Variants in SOX6 observed in about 807,000 individuals in gnomAD.
The protein encoded by SOX6 is transcription factor SOX-6.
Under a neutral mutation model 97.8 loss-of-function variants are expected in SOX6, and 11 were observed. The observed-to-expected ratio is 0.11, with a 90% CI of 0.07 to 0.19. The LOEUF (loss-of-function observed/expected upper bound fraction) is 0.19. Ranked by LOEUF, SOX6 falls within the 10% of genes least tolerant of loss-of-function variation. SOX6 has a pLI of 1.00. For missense variants in SOX6, 810 were observed against 1,039.5 expected (o/e 0.78, Z 3.04); for synonymous variants, 360 against 371.4 (o/e 0.97, Z 0.35).
rs1290379235 is a variant in SOX6 at position 16,606,282 on chromosome 11, G to A, written n.609+5799C>T. Among the ~76,000 whole-genome samples, 3 of 151,072 alleles carry A rather than the reference G, an allele frequency of 2.0e-5. No individual in the cohort carries two copies. In the East Asian group the frequency reaches 5.8e-4, roughly 29 times the overall value. On this transcript the variant is annotated intron_variant and non_coding_transcript_variant, in intron 4 of 5. Transcript: ENST00000524520. ...TTTTTTTAGTATCGCGAAATAAGAGGTGGTATCAGTTTTTTAAAAGTTTCA... is the reference window on the plus strand; with the variant it reads ...TTTTTTTAGTATCGCGAAATAAGAGATGGTATCAGTTTTTTAAAAGTTTCA...
At chr11:16,645,694 C>G (rs1304589755) in intron 3 of SOX6, among the ~76,000 whole-genome samples, 1 of 152,116 alleles carries the variant, frequency 6.6e-6, no homozygotes, top group Non-Finnish European at 1.5e-5. Context: ...AGCTGCAAGC[C>G]AAGAAACACC....
At chr11:16,546,286 G>T (rs1847619954) in intron 4 of SOX6, among the ~76,000 whole-genome samples, 1 of 152,074 alleles carries the variant, frequency 6.6e-6, no homozygotes, top group Non-Finnish European at 1.5e-5. Flanking sequence ...AAAGCAACCT[G>T]CAGATTCAAT....
intron 4 of SOX6, among the ~76,000 whole-genome samples, chr11:16,567,020 C>T (rs1847879701): frequency 6.6e-6 from 1 of 152,066 alleles, no homozygotes; most frequent in Non-Finnish European, 1.5e-5. Context: ...ATGGGACATC[C>T]CTAATCCAAA....
intron 3 of SOX6, among the ~76,000 whole-genome samples, chr11:16,266,066 T>C (rs767036798): frequency 6.6e-6 from 1 of 151,702 alleles, no homozygotes; most frequent in Non-Finnish European, 1.5e-5. Context: ...ATGAAAACTA[T>C]AAATCTTTAA....
At chr11:16,548,428 A>T (rs1018222012) in intron 4 of SOX6, among the ~76,000 whole-genome samples, 4 of 152,170 alleles carry the variant, frequency 2.6e-5, no homozygotes, top group African/African-American at 9.6e-5. Context: ...TTGGAGCTCC[A>T]TAGGCAAAAC....
At chr11:16,130,673 G>A (rs1849718065) in intron 6 of SOX6, among the ~76,000 whole-genome samples, 1 of 151,804 alleles carries the variant, frequency 6.6e-6, no homozygotes, top group African/African-American at 2.4e-5. Context: ...AAAAAAAATA[G>A]TCAAAACAAT....
At chr11:16,191,226 G>T (rs945802874) in intron 4 of SOX6, among the ~76,000 whole-genome samples, 1 of 152,134 alleles carries the variant, frequency 6.6e-6, no homozygotes, top group Non-Finnish European at 1.5e-5. Context: ...AGGCCGAGGT[G>T]GGGGGATCGC....
intron 4 of SOX6, among the ~76,000 whole-genome samples, chr11:16,213,755 GCAA>G (rs1484608891): frequency 3.3e-5 from 5 of 152,064 alleles, no homozygotes; most frequent in Admixed American, 3.3e-4. Flanking sequence ...TGTATTTCTT[GCAA>G]CAATATACAA....
At chr11:16,237,109 A>G (rs956260668) in intron 3 of SOX6, among the ~76,000 whole-genome samples, 5 of 152,098 alleles carry the variant, frequency 3.3e-5, no homozygotes, top group African/African-American at 9.6e-5. Context: ...AAGCTTATCA[A>G]TGTTTAATCT....
At position 15,970,786 on chromosome 11, in the gene SOX6, A is replaced by T. The variant is rs1169946029; in HGVS notation, c.*2023T>A. ...ATACAAAGGTACACTATTTTCTTCCAAGTGACAAAATGGCTCAAGAAATCT... is the reference window on the plus strand; with the variant it reads ...ATACAAAGGTACACTATTTTCTTCCTAGTGACAAAATGGCTCAAGAAATCT... On this transcript the variant is annotated 3_prime_UTR_variant, in exon 16 of 16. Coordinates refer to ENST00000683767, the MANE Select transcript of SOX6 (RefSeq NM_001367873.1). 1 of 152,660 alleles carries T rather than the reference A, an allele frequency of 6.6e-6. No individual in the cohort carries two copies. The highest frequency in any genetic ancestry group is 1.5e-5 in the Non-Finnish European group (1 of 68,040). The allele number at this position is 152,660 out of a possible 1,614,324, so 9.5% of individuals were successfully genotyped here.
intron 4 of SOX6, among the ~76,000 whole-genome samples, chr11:16,204,003 A>G (rs561307646): frequency 6.6e-6 from 1 of 152,182 alleles, no homozygotes; most frequent in South Asian, 2.1e-4. Context: ...TATATCAAAA[A>G]GTTTACGTGA....
At chr11:16,548,840 A>G (rs148365184) in intron 4 of SOX6, among the ~76,000 whole-genome samples, 2,082 of 152,228 alleles carry the variant, frequency 0.014, 24 homozygotes, top group Non-Finnish European at 0.02. Context: ...TTCTCACCAC[A>G]AATAAATGAA....
intron 4 of SOX6, among the ~76,000 whole-genome samples, chr11:16,500,846 G>A (rs184613650): frequency 8.1e-4 from 123 of 152,208 alleles, no homozygotes; most frequent in African/African-American, 2.8e-3. Flanking sequence ...CATGCTCATG[G>A]GTAGGAAGAA....
intron 1 of SOX6, among the ~76,000 whole-genome samples, chr11:16,378,391 A>G (rs1857705856): frequency 1.3e-5 from 2 of 152,184 alleles, no homozygotes; most frequent in African/African-American, 4.8e-5. Context: ...CAAATACTCA[A>G]GAATAACCAA....
chr11:16,719,853 G>C (rs770435647), intron 2 of SOX6, among the ~76,000 whole-genome samples: 1 of 151,968 alleles, frequency 6.6e-6, no homozygotes, highest in Non-Finnish European at 1.5e-5. Flanking sequence ...GATCCCAGGA[G>C]GTAGAGGCTG....
chr11:16,417,332 G>A (rs1416857610), intron 1 of SOX6, among the ~76,000 whole-genome samples: 4 of 152,058 alleles, frequency 2.6e-5, no homozygotes, highest in Admixed American at 2.6e-4. Flanking sequence ...TCAGACACAG[G>A]GCCAGAATGC....
At chr11:16,522,237 C>T (rs1452195978) in intron 4 of SOX6, among the ~76,000 whole-genome samples, 1 of 152,122 alleles carries the variant, frequency 6.6e-6, no homozygotes, top group Non-Finnish European at 1.5e-5. Context: ...AGAGAAAGGT[C>T]GGGTTACCCA....
chr11:16,125,883 A>G (rs1400930210), intron 6 of SOX6, among the ~76,000 whole-genome samples: 6 of 122,988 alleles, frequency 4.9e-5, no homozygotes, highest in African/African-American at 1.8e-4. Flanking sequence ...AGGAAAGTTT[A>G]TTTGAGTGAA....
chr11:16,720,667 C>T (rs1042716803), intron 2 of SOX6, among the ~76,000 whole-genome samples: 3 of 146,620 alleles, frequency 2.0e-5, no homozygotes, highest in Non-Finnish European at 3.0e-5. Flanking sequence ...ACATTGTGCA[C>T]ATGTACCCTA....
Sources: allele counts gnomAD v4.1 joint callset (sites outside exome capture counted in the v4.1 genomes callset), GRCh38; gene constraint gnomAD v4.1.1; transcripts MANE v1.5; gene names NCBI Gene and HGNC (gene_info 2026-07-23, HGNC 2026-07-21).